Variants in CDH13 observed in about 807,000 individuals in gnomAD.
The protein encoded by CDH13 is cadherin 13.
A neutral mutation model predicts 63.8 loss-of-function variants in CDH13; 24 were observed. The observed-to-expected ratio is 0.38, with a 90% CI of 0.27 to 0.53. CDH13 has a LOEUF of 0.53. Among genes scored for constraint, CDH13 ranks in the 20% least tolerant of loss-of-function variants. The probability of loss-of-function intolerance (pLI) is 0.85; values close to 1 mark genes in which losing one functional copy is unlikely to be tolerated. For missense variants in CDH13, 1,049 were observed against 903.1 expected, an observed-to-expected ratio of 1.16 and a Z score of -2.07; for synonymous variants, 503 against 355.3, an observed-to-expected ratio of 1.42 and a Z score of -4.67.
intron 7 of CDH13, among the ~76,000 whole-genome samples, chr16:83,541,788 T>C (rs2075299896): frequency 6.6e-6 from 1 of 152,228 alleles, no homozygotes; most frequent in Non-Finnish European, 1.5e-5. Context: ...AACATAAGAC[T>C]CTGCTCTACC....
At chr16:83,587,505 C>G (rs963393482) in intron 7 of CDH13, among the ~76,000 whole-genome samples, 2 of 152,178 alleles carry the variant, frequency 1.3e-5, no homozygotes, top group African/African-American at 4.8e-5. Flanking sequence ...GCCGATTACA[C>G]AGCAGAACGC....
intron 6 of CDH13, among the ~76,000 whole-genome samples, chr16:83,385,390 C>G (rs1440487282): frequency 2.6e-5 from 4 of 152,202 alleles, no homozygotes; most frequent in Admixed American, 2.0e-4. Context: ...ATTATAATTT[C>G]TTTCTTTGCA....
intron 1 of CDH13, among the ~76,000 whole-genome samples, chr16:82,788,341 G>T (rs989852094): frequency 6.6e-6 from 1 of 152,178 alleles, no homozygotes; most frequent in Non-Finnish European, 1.5e-5. Flanking sequence ...TCCAGCAGGT[G>T]CCCAGGAGAT....
At chr16:82,990,264 A>G (rs1000732789) in intron 2 of CDH13, 8 of 152,176 alleles carry the variant, frequency 5.3e-5, no homozygotes, top group Admixed American at 5.2e-4. Flanking sequence ...AGGATCCTAG[A>G]AAAAACATGC....
intron 1 of CDH13, among the ~76,000 whole-genome samples, chr16:82,716,749 C>A (rs1457129177): frequency 6.6e-6 from 1 of 151,214 alleles, no homozygotes; most frequent in Non-Finnish European, 1.5e-5. Context: ...CTGAGTAATA[C>A]AAGTTATGAA....
chr16:83,719,664 A>C (rs547584969), intron 10 of CDH13, among the ~76,000 whole-genome samples: 4 of 152,296 alleles, frequency 2.6e-5, no homozygotes, highest in East Asian at 1.9e-4. Context: ...TGACGCTAGG[A>C]GGTATGCACG....
At chr16:82,692,028 G>T (rs1024100682) in intron 1 of CDH13, among the ~76,000 whole-genome samples, 2 of 152,216 alleles carry the variant, frequency 1.3e-5, no homozygotes, top group Non-Finnish European at 2.9e-5. Context: ...TTCATAATCT[G>T]CAAATAGTTC....
intron 7 of CDH13, among the ~76,000 whole-genome samples, chr16:83,491,256 T>C (rs2074005427): frequency 6.6e-6 from 1 of 152,212 alleles, no homozygotes; most frequent in Non-Finnish European, 1.5e-5. Context: ...GCCTCTTGCT[T>C]AAGTGTTTGG....
chr16:82,706,862 C>G (rs923481740), intron 1 of CDH13, among the ~76,000 whole-genome samples: 1 of 152,054 alleles, frequency 6.6e-6, no homozygotes, highest in Non-Finnish European at 1.5e-5. Context: ...AGAATGTTCT[C>G]AGTGAATTAG....
At chr16:83,560,593 T>C (rs1311893934) in intron 7 of CDH13, among the ~76,000 whole-genome samples, 1 of 152,232 alleles carries the variant, frequency 6.6e-6, no homozygotes, top group African/African-American at 2.4e-5. Context: ...AAAGACCTAC[T>C]ATTTAGAGTT....
chr16:82,890,818 A>C (rs1001010528), intron 2 of CDH13, among the ~76,000 whole-genome samples: 1 of 151,848 alleles, frequency 6.6e-6, no homozygotes, highest in Admixed American at 6.6e-5. Flanking sequence ...CGCCCAGCTA[A>C]TTTTTGTATC....
At chr16:82,939,358 G>A (rs1038357047) in intron 2 of CDH13, among the ~76,000 whole-genome samples, 1 of 152,046 alleles carries the variant, frequency 6.6e-6, no homozygotes, top group Non-Finnish European at 1.5e-5. Context: ...GGGAGACGGA[G>A]GTTGCAGTGA....
At chr16:82,787,841 A>AGTGTGT (rs10528183) in intron 1 of CDH13, among the ~76,000 whole-genome samples, 3 of 146,770 alleles carry the variant, frequency 2.0e-5, no homozygotes, top group African/African-American at 7.6e-5. Flanking sequence ...GAAGGGAGGA[A>AGTGTGT]GTGTGTGTGT....
At chr16:82,877,111 C>T (rs929796446) in intron 2 of CDH13, among the ~76,000 whole-genome samples, 2 of 152,144 alleles carry the variant, frequency 1.3e-5, no homozygotes. Context: ...AGATGGAAGT[C>T]AGAATAGATA....
intron 6 of CDH13, among the ~76,000 whole-genome samples, chr16:83,483,634 T>A (rs1184099438): frequency 1.3e-5 from 2 of 152,132 alleles, no homozygotes; most frequent in Non-Finnish European, 2.9e-5. Flanking sequence ...AGGCCCTGGG[T>A]CAAGTGTACT....
intron 5 of CDH13, among the ~76,000 whole-genome samples, chr16:83,290,203 T>A (rs2089432540): frequency 1.3e-5 from 2 of 152,204 alleles, no homozygotes; most frequent in Admixed American, 6.5e-5. Context: ...CTAACCACAT[T>A]CAATTCTATT....
At chr16:83,158,728 C>G (rs2037323172) in intron 4 of CDH13, among the ~76,000 whole-genome samples, 1 of 152,210 alleles carries the variant, frequency 6.6e-6, no homozygotes, top group South Asian at 2.1e-4. Flanking sequence ...AGGAAGGTGC[C>G]CAGCTGGGTC....
At chr16:83,524,750 C>G (rs1213678137) in intron 7 of CDH13, among the ~76,000 whole-genome samples, 1 of 152,104 alleles carries the variant, frequency 6.6e-6, no homozygotes, top group Non-Finnish European at 1.5e-5. Flanking sequence ...CCTCGCCCGG[C>G]CAAATTGCAT....
At chr16:83,285,341 C>T (rs150683641) in intron 5 of CDH13, among the ~76,000 whole-genome samples, 1,904 of 151,886 alleles carry the variant, frequency 0.013, 18 homozygotes, top group Non-Finnish European at 0.018. Flanking sequence ...AGGTGAAATC[C>T]GGAGGAAGTA....
Sources: allele counts gnomAD v4.1 joint callset (sites outside exome capture counted in the v4.1 genomes callset), GRCh38; gene constraint gnomAD v4.1.1; transcripts MANE v1.5; gene names NCBI Gene and HGNC (gene_info 2026-07-23, HGNC 2026-07-21).